The following PLCH1 variants were observed in gnomAD, a reference collection of about 807,000 sequenced individuals.
The protein encoded by PLCH1 is 1-phosphatidylinositol 4,5-bisphosphate phosphodiesterase eta-1.
In PLCH1, 60 loss-of-function variants were observed where a neutral mutation model predicts 126.7. The observed-to-expected ratio is 0.47, with a 90% CI of 0.38 to 0.59. The LOEUF is 0.59. Among genes scored for constraint, PLCH1 ranks in the 20% least tolerant of loss-of-function variants. The pLI is 0.00. For missense variants in PLCH1, 1,723 were observed against 2,040.0 expected (o/e 0.84, Z 2.99); for synonymous variants, 719 against 734.9 (o/e 0.98, Z 0.35).
At chr3:155,611,415 AAAAC>A (rs1735079686) in intron 2 of PLCH1, among the ~76,000 whole-genome samples, 1 of 152,172 alleles carries the variant, frequency 6.6e-6, no homozygotes, top group Admixed American at 6.6e-5. Context: ...TACAAATAAA[AAAAC>A]AAAAAGGAAT....
intron 6 of PLCH1, among the ~76,000 whole-genome samples, chr3:155,569,583 C>T (rs1003865408): frequency 2.0e-5 from 3 of 152,116 alleles, no homozygotes; most frequent in African/African-American, 7.2e-5. Context: ...ACTGCAATAC[C>T]TCCAAGGAAC....
Position 155,668,170 on chromosome 3 carries a change from G to C in PLCH1, c.79+35976C>G, listed in dbSNP as rs145797045. Among the ~76,000 whole-genome samples, 202 of 151,492 alleles carry C rather than the reference G, an allele frequency of 1.3e-3. 1 individual carries two copies. Among genetic ancestry groups the C allele is most frequent in the African/African-American group, 4.7e-3 (194 of 41,294 alleles). On this transcript the variant is annotated intron_variant, in intron 2 of 22. Coordinates refer to ENST00000460012, the MANE Select transcript of PLCH1 (RefSeq NM_014996.4). Reference sequence around the variant, plus strand: ...TCAGGAACTGCTAACACTATTTGCAGTAACAATCAACAAGTTGAGAACTTT... The same window carrying C: ...TCAGGAACTGCTAACACTATTTGCACTAACAATCAACAAGTTGAGAACTTT...
Position 155,608,797 on chromosome 3 carries a change from C to T in PLCH1, c.80-12419G>A, listed in dbSNP as rs561919002. On this transcript the variant is annotated intron_variant, in intron 2 of 22. Coordinates refer to ENST00000460012, the MANE Select transcript of PLCH1 (RefSeq NM_014996.4). ...TAGCTGAACACAAAAGACATAAAGT[C>T]TTGGAAACTTTATGGCCCTGCCCAT... is the stretch of plus-strand genomic sequence containing the variant. 1.4e-3 allele frequency among the ~76,000 whole-genome samples: 208 copies of T among 152,230 alleles called. 5 individuals carry two copies. In the South Asian group the frequency reaches 0.041, roughly 30 times the overall value.
Position 155,480,928 on chromosome 3 carries a change from A to G in PLCH1, c.*40T>C. On this transcript the variant is annotated 3_prime_UTR_variant, in exon 23 of 23. Coordinates refer to ENST00000460012, the MANE Select transcript of PLCH1 (RefSeq NM_014996.4). The stretch of plus-strand genomic sequence containing the variant: ...TTTACTGAAAACTCTGACATTCTAC[A>G]GAATACCTTGAAAACCTTAAGAATG... 6.8e-7 allele frequency: 1 copy of G among 1,462,062 alleles called. No homozygotes were observed. The highest frequency in any genetic ancestry group is 9.2e-7 in the Non-Finnish European group (1 of 1,084,728). The allele number at this position is 1,462,062 out of a possible 1,614,324, so 90.6% of individuals were successfully genotyped here.
At chr3:155,468,307 C>T (rs1402936114) in intron 21 of PLCH1, among the ~76,000 whole-genome samples, 2 of 151,972 alleles carry the variant, frequency 1.3e-5, no homozygotes, top group Admixed American at 6.6e-5. Flanking sequence ...GAGAAAATCA[C>T]CTTTACTAGG....
At chr3:155,653,801 C>T (rs947230344) in intron 2 of PLCH1, among the ~76,000 whole-genome samples, 1 of 152,126 alleles carries the variant, frequency 6.6e-6, no homozygotes, top group Non-Finnish European at 1.5e-5. Context: ...TCTTCACTCT[C>T]CTACATCATC....
intron 2 of PLCH1, among the ~76,000 whole-genome samples, chr3:155,642,647 A>T (rs1026489808): frequency 6.6e-6 from 1 of 152,168 alleles, no homozygotes; most frequent in Admixed American, 6.5e-5. Flanking sequence ...TGCTACATAG[A>T]CTTTAAACAT....
intron 2 of PLCH1, among the ~76,000 whole-genome samples, chr3:155,690,843 C>A (rs1362007277): frequency 1.3e-5 from 2 of 152,348 alleles, no homozygotes; most frequent in African/African-American, 4.8e-5. Context: ...ACTTAATCAT[C>A]TGAGGACCTT....
At chr3:155,669,154 A>G (rs1577286992) in intron 2 of PLCH1, among the ~76,000 whole-genome samples, 3 of 144,200 alleles carry the variant, frequency 2.1e-5, no homozygotes, top group Admixed American at 1.4e-4. Context: ...ACTTCTTCAG[A>G]AAAAAAAAAA....
chr3:155,678,185 CATA>C (rs1326491975), intron 2 of PLCH1, among the ~76,000 whole-genome samples: 4 of 152,170 alleles, frequency 2.6e-5, no homozygotes, highest in African/African-American at 9.7e-5. Context: ...GAGTCTTGCT[CATA>C]ATAAGTTTTT....
At position 155,699,369 on chromosome 3, in the gene PLCH1, G is replaced by A. The variant is rs1577338191; in HGVS notation, c.79+4777C>T. 3.9e-5 allele frequency among the ~76,000 whole-genome samples: 6 copies of A among 152,234 alleles called. No individual in the cohort carries two copies. The East Asian group carries it at 5.8e-4, about 15-fold the overall frequency. On this transcript the variant is annotated intron_variant, in intron 2 of 22. Coordinates refer to ENST00000460012, the MANE Select transcript of PLCH1 (RefSeq NM_014996.4). ...TGGGATTACAGGCGTGAACCACTGC[G>A]CCCAGCCTGATACTTTTAATCTTAA...
intron 8 of PLCH1, among the ~76,000 whole-genome samples, chr3:155,560,917 C>T (rs1046899561): frequency 1.3e-5 from 2 of 152,138 alleles, no homozygotes; most frequent in Non-Finnish European, 2.9e-5. Context: ...AGCTTACCTT[C>T]GAGGGCACTA....
At chr3:155,529,873 T>C (rs532866186) in intron 10 of PLCH1, among the ~76,000 whole-genome samples, 6 of 152,264 alleles carry the variant, frequency 3.9e-5, no homozygotes, top group African/African-American at 1.4e-4. Flanking sequence ...TTCAAGCGAT[T>C]CTCCTGCCTC....
rs543943159 is a variant in PLCH1, at chr3:155,688,504, C to T, written c.79+15642G>A. ...CTGCTGGGACACCAAATTTTAACAGCTATCTGCACACAGAAAAGCACCATC... is the reference window on the plus strand; with the variant it reads ...CTGCTGGGACACCAAATTTTAACAGTTATCTGCACACAGAAAAGCACCATC... On this transcript the variant is annotated intron_variant, in intron 2 of 22. Transcript: ENST00000460012. Among the ~76,000 whole-genome samples, 3 of 152,336 alleles carry T rather than the reference C, an allele frequency of 2.0e-5. No individual in the cohort carries two copies. In the South Asian group the frequency reaches 6.2e-4, roughly 32 times the overall value.
intron 8 of PLCH1, among the ~76,000 whole-genome samples, chr3:155,555,897 C>T (rs763989520): frequency 3.9e-5 from 6 of 152,248 alleles, no homozygotes; most frequent in Admixed American, 6.5e-5. Flanking sequence ...ATAAGTGCAG[C>T]GGCTCAATGG....
downstream of PLCH1, among the ~76,000 whole-genome samples, chr3:155,479,705 C>A (rs1002471381): frequency 2.0e-5 from 3 of 152,118 alleles, no homozygotes; most frequent in African/African-American, 7.2e-5. Context: ...AGTCGCCTCA[C>A]AAATATGCTC....
chr3:155,700,389 T>G (rs1033693550), intron 2 of PLCH1, among the ~76,000 whole-genome samples: 2 of 150,844 alleles, frequency 1.3e-5, no homozygotes, highest in Non-Finnish European at 3.0e-5. Flanking sequence ...GCATACTGCA[T>G]AAATATTTAA....
intron 1 of PLCH1, among the ~76,000 whole-genome samples, chr3:155,723,823 AG>A (rs1351692186): frequency 2.6e-5 from 4 of 151,886 alleles, no homozygotes; most frequent in Non-Finnish European, 2.9e-5. Flanking sequence ...GCATGGTCAC[AG>A]GTGCCTGTAA....
chr3:155,737,035 G>C (rs1749234135), intron 1 of PLCH1, among the ~76,000 whole-genome samples: 1 of 151,764 alleles, frequency 6.6e-6, no homozygotes, highest in Non-Finnish European at 1.5e-5. Context: ...TTCGAGACCA[G>C]CCTGGGCAAC....
Sources: gnomAD v4.1 joint callset for allele counts (sites outside exome capture counted in the v4.1 genomes callset) on GRCh38, gnomAD v4.1.1 for gene constraint, MANE v1.5 for transcripts, NCBI Gene and HGNC (gene_info 2026-07-23, HGNC 2026-07-21) for gene names.